Variants in KCNH7 observed in about 807,000 individuals in gnomAD.
KCNH7 encodes potassium voltage-gated channel subfamily H member 7.
In KCNH7, 49 loss-of-function variants were observed where a neutral mutation model predicts 120.8. That is an observed-to-expected ratio of 0.41 (90% CI 0.32 to 0.51). The LOEUF (loss-of-function observed/expected upper bound fraction) is 0.51. Among genes scored for constraint, KCNH7 ranks in the 20% least tolerant of loss-of-function variants. The pLI is 0.38. For synonymous variants in KCNH7, 547 were observed against 516.1 expected, an observed-to-expected ratio of 1.06 and a Z score of -0.81; for missense variants, 1,097 against 1,446.6, an observed-to-expected ratio of 0.76 and a Z score of 3.92.
intron 2 of KCNH7, among the ~76,000 whole-genome samples, chr2:162,688,969 A>G (rs1458519128): frequency 6.6e-6 from 1 of 151,970 alleles, no homozygotes; most frequent in Middle Eastern, 3.4e-3. Flanking sequence ...AAAGGCACTT[A>G]TTTCCCCCTA....
intron 2 of KCNH7, among the ~76,000 whole-genome samples, chr2:162,700,182 G>C (rs570144401): frequency 3.3e-5 from 5 of 152,054 alleles, no homozygotes; most frequent in Non-Finnish European, 5.9e-5. Flanking sequence ...TGTGTCAAAA[G>C]TTGAGGCTAC....
chr2:162,555,233 A>G (rs1164673389), intron 2 of KCNH7, among the ~76,000 whole-genome samples: 2 of 152,158 alleles, frequency 1.3e-5, no homozygotes, highest in African/African-American at 4.8e-5. Context: ...GGGGCTAAGG[A>G]AACTCTCGGA....
chr2:162,583,060 G>A (rs1693930445), intron 2 of KCNH7, among the ~76,000 whole-genome samples: 1 of 151,032 alleles, frequency 6.6e-6, no homozygotes, highest in South Asian at 2.1e-4. Flanking sequence ...TGTGGTAAAT[G>A]CTAAATTTCA....
chr2:162,659,401 G>A (rs1169048493), intron 2 of KCNH7, among the ~76,000 whole-genome samples: 3 of 150,266 alleles, frequency 2.0e-5, no homozygotes, highest in African/African-American at 7.4e-5. Context: ...GAGTGCAGTA[G>A]CACAATCTTG....
rs1311366347 is a variant in KCNH7, at chr2:162,767,963, C to T, written c.307+68574G>A. ...GAAAAACTCAAATAGTATCCTACAACATTTTAATCTGCCTGTGATGCTTTT... is the reference window on the plus strand; with the variant it reads ...GAAAAACTCAAATAGTATCCTACAATATTTTAATCTGCCTGTGATGCTTTT... On this transcript the variant is annotated intron_variant, in intron 2 of 15. Coordinates refer to ENST00000332142, the MANE Select transcript of KCNH7 (RefSeq NM_033272.4). 5.9e-5 allele frequency among the ~76,000 whole-genome samples: 9 copies of T among 152,252 alleles called. No individual in the cohort carries two copies. In the East Asian group the frequency reaches 1.7e-3, roughly 29 times the overall value.
chr2:162,468,667 C>T (rs766036822), intron 6 of KCNH7, among the ~76,000 whole-genome samples: 10 of 151,552 alleles, frequency 6.6e-5, no homozygotes, highest in African/African-American at 1.7e-4. Context: ...ACTACAGGTA[C>T]GTGCCACCAT....
At chr2:162,593,868 T>C (rs906623336) in intron 2 of KCNH7, among the ~76,000 whole-genome samples, 6 of 151,996 alleles carry the variant, frequency 3.9e-5, no homozygotes, top group Non-Finnish European at 7.4e-5. Context: ...GAAATACTCA[T>C]TGAAGCATTT....
At chr2:162,794,279 A>G (rs1305124114) in intron 2 of KCNH7, among the ~76,000 whole-genome samples, 1 of 151,828 alleles carries the variant, frequency 6.6e-6, no homozygotes, top group Admixed American at 6.6e-5. Context: ...GAAAAGGAAA[A>G]GGAAAGGGAA....
In KCNH7 at chr2:162,371,839, G is replaced by A. The variant is rs187984820; in HGVS notation, c.3581C>T (p.Pro1194Leu). The A allele has an allele frequency of 1.2e-6, 2 of 1,608,176 alleles. No individual in the cohort carries two copies. The highest frequency in any genetic ancestry group is 2.2e-5 in the East Asian group (1 of 44,674). ...LHRHVSDPGL[P>L]GK ...AATAGTACAAAATGATTATTTCCCTGGAAGACCAGGATCAGAAACATGCCT... is the reference window on the plus strand; with the variant it reads ...AATAGTACAAAATGATTATTTCCCTAGAAGACCAGGATCAGAAACATGCCT... Residue 1194 changes from proline (P) to leucine (L), a missense_variant, in exon 16 of 16, where the codon CCA becomes CTA. By Grantham distance (98) the Pro-to-Leu change is moderately conservative. Transcript: ENST00000332142.
intron 2 of KCNH7, among the ~76,000 whole-genome samples, chr2:162,746,024 T>G (rs950472499): frequency 7.2e-5 from 11 of 152,048 alleles, no homozygotes; most frequent in Non-Finnish European, 1.6e-4. Context: ...ATTTGCAAAA[T>G]GAAACTAATA....
At chr2:162,373,694 T>G in intron 14 of KCNH7, 32 bp from the exon 15 acceptor site, 2 of 1,365,766 alleles carry the variant, frequency 1.5e-6, no homozygotes, top group South Asian at 3.9e-5. Context: ...GAAAAGACAG[T>G]CTAAAATAGT....
At position 162,371,459 on chromosome 2, in the gene KCNH7, TTGG is replaced by T. The variant is rs1480878931; in HGVS notation, c.*367_*369del. 1.7e-5 allele frequency: 21 copies of T among 1,269,150 alleles called. No homozygotes were observed. Among genetic ancestry groups the T allele is most frequent in the African/African-American group, 4.6e-5 (3 of 64,944 alleles). 78.6% of individuals were successfully genotyped at this position (1,269,150 alleles called of 1,614,324 possible). ...TTGCATCCATGAACAGTTTTATCCC[TTGG>T]TTTCTTATTTGCGTGGAAGGCATTT... is the stretch of plus-strand genomic sequence containing the variant. On this transcript the variant is annotated 3_prime_UTR_variant, in exon 16 of 16. Coordinates refer to ENST00000332142, the MANE Select transcript of KCNH7 (RefSeq NM_033272.4).
intron 7 of KCNH7, among the ~76,000 whole-genome samples, chr2:162,442,040 G>T (rs1441575092): frequency 2.7e-5 from 1 of 37,328 alleles, no homozygotes; most frequent in African/African-American, 7.2e-5. Context: ...TTTTTGAGAT[G>T]GAGTCTCGCT....
At chr2:162,437,558 T>C (rs927666426) in intron 7 of KCNH7, among the ~76,000 whole-genome samples, 1 of 152,180 alleles carries the variant, frequency 6.6e-6, no homozygotes, top group Non-Finnish European at 1.5e-5. Flanking sequence ...AAACTTATGT[T>C]TGAATTCTGC....
At chr2:162,529,952 T>A (rs1302385203) in intron 3 of KCNH7, among the ~76,000 whole-genome samples, 6 of 151,936 alleles carry the variant, frequency 3.9e-5, no homozygotes, top group Admixed American at 3.9e-4. Flanking sequence ...GATAGTAAGA[T>A]TTATCAAAAT....
chr2:162,688,630 C>T (rs1329095427), intron 2 of KCNH7, among the ~76,000 whole-genome samples: 1 of 152,080 alleles, frequency 6.6e-6, no homozygotes, highest in Non-Finnish European at 1.5e-5. Context: ...TGAATGACTC[C>T]TAGAATCAGG....
chr2:162,684,011 A>G lies in KCNH7; in HGVS notation c.308-146931T>C, dbSNP rs139488865. 7.1e-3 allele frequency among the ~76,000 whole-genome samples: 1,085 copies of G among 152,198 alleles called. 19 individuals are homozygous for G. Among genetic ancestry groups the G allele is most frequent in the Admixed American group, 0.037 (562 of 15,276 alleles). On this transcript the variant is annotated intron_variant, in intron 2 of 15. Transcript: ENST00000332142. ...GGTACCAAAACAGAGATATAGACCAATGGAACAGAACAGAGGCCTCAGAAA... is the reference window on the plus strand; with the variant it reads ...GGTACCAAAACAGAGATATAGACCAGTGGAACAGAACAGAGGCCTCAGAAA...
chr2:162,615,371 C>T (rs1683108788), intron 2 of KCNH7, among the ~76,000 whole-genome samples: 1 of 152,114 alleles, frequency 6.6e-6, no homozygotes. Context: ...AATAAATAGG[C>T]AATTACTGTT....
chr2:162,669,984 C>T (rs770962775), intron 2 of KCNH7, among the ~76,000 whole-genome samples: 1 of 151,624 alleles, frequency 6.6e-6, no homozygotes, highest in Non-Finnish European at 1.5e-5. Flanking sequence ...CCTGTAATCC[C>T]AGCTACTCGG....
Sources: allele counts gnomAD v4.1 joint callset (sites outside exome capture counted in the v4.1 genomes callset), GRCh38; gene constraint gnomAD v4.1.1; transcripts MANE v1.5; gene names NCBI Gene and HGNC (gene_info 2026-07-23, HGNC 2026-07-21).